The following IQGAP1 variants were observed in gnomAD, a reference collection of about 807,000 sequenced individuals.
The protein encoded by IQGAP1 is IQ motif containing GTPase activating protein 1, also known as ras GTPase-activating-like protein IQGAP1.
Under a neutral mutation model 215.6 loss-of-function variants are expected in IQGAP1, and 66 were observed. The ratio of observed to expected loss-of-function variants is 0.31; its 90% CI spans 0.25 to 0.38. The LOEUF (loss-of-function observed/expected upper bound fraction) is 0.38. Ranked by LOEUF, IQGAP1 falls within the 10% of genes least tolerant of loss-of-function variation. The pLI is 1.00. For missense variants in IQGAP1, 1,712 were observed against 1,997.1 expected (o/e 0.86, Z 2.72); for synonymous variants, 772 against 728.7 (o/e 1.06, Z -0.96).
intron 6 of IQGAP1, 91 bp downstream of exon 6, chr15:90,439,490 TA>T (rs1567126595): frequency 2.2e-6 from 2 of 928,952 alleles, no homozygotes; most frequent in Admixed American, 2.2e-5. Context: ...CCTAGGGCTT[TA>T]AAAATACACT....
chr15:90,439,166 A>ACC (rs1555437289), intron 5 of IQGAP1, among the ~76,000 whole-genome samples, 166 bp from the exon 6 acceptor site: 3 of 151,434 alleles, frequency 2.0e-5, no homozygotes, highest in African/African-American at 7.3e-5. Context: ...AAAAAAAAAA[A>ACC]CTGAGGTAAA....
rs748607996 is a variant in IQGAP1 at position 90,453,250 on chromosome 15, C to T, written c.1445C>T (p.Ser482Leu). The T allele has an allele frequency of 6.2e-7, 1 of 1,613,824 alleles. No homozygotes were observed. Among genetic ancestry groups the T allele is most frequent in the Non-Finnish European group, 8.5e-7 (1 of 1,179,806 alleles). ...VNTVWKQLSS[S>L]VTGLTNIEEE... ...ACAGTGTGGAAGCAATTGAGCAGTT[C>T]AGTTACTGGTCTTACCAATATTGAG... The change falls in exon 13 of 38, where the codon TCA becomes TTA. Residue 482 changes from serine to leucine, a missense_variant. By Grantham distance (145) the Ser-to-Leu change is moderately radical. This residue lies in a region of IQGAP1 where 1,021 missense variants were observed against 1,074.2 expected (regional missense o/e 0.95). Transcript: ENST00000268182.
Position 90,390,761 on chromosome 15 carries a change from T to G in IQGAP1, c.56-13T>G. On this transcript the variant is annotated splice_polypyrimidine_tract_variant and intron_variant, in intron 1 of 37. Transcript: ENST00000268182. ...CAGATCCTGGTGTTTACATTCTTTC[T>G]TTTATGTTGTAGCTGTCCTGGATAA... 6.4e-7 allele frequency: 1 copy of G among 1,568,406 alleles called. No individual in the cohort carries two copies. The highest frequency in any genetic ancestry group is 8.8e-7 in the Non-Finnish European group (1 of 1,138,648).
intron 5 of IQGAP1, among the ~76,000 whole-genome samples, chr15:90,438,610 G>C (rs892294014): frequency 6.6e-6 from 1 of 152,078 alleles, no homozygotes; most frequent in Non-Finnish European, 1.5e-5. Flanking sequence ...AGTAAGATTT[G>C]CCATCTGAAT....
At chr15:90,473,448 G>T in intron 19 of IQGAP1, 2 of 454,192 alleles carry the variant, frequency 4.4e-6, no homozygotes, top group Non-Finnish European at 4.0e-6. Flanking sequence ...CTGGTTTGTT[G>T]TAAGAAGCCA....
intron 2 of IQGAP1, among the ~76,000 whole-genome samples, chr15:90,420,974 G>A (rs182695068): frequency 3.3e-5 from 5 of 152,118 alleles, no homozygotes; most frequent in Middle Eastern, 3.4e-3. Flanking sequence ...CCAACATGGC[G>A]AAACCCCGTC....
chr15:90,403,710 G>A (rs1382641984), intron 2 of IQGAP1, among the ~76,000 whole-genome samples: 1 of 152,178 alleles, frequency 6.6e-6, no homozygotes, highest in Non-Finnish European at 1.5e-5. Context: ...GTCTTGCTCT[G>A]TTGCCCAGGC....
intron 5 of IQGAP1, among the ~76,000 whole-genome samples, chr15:90,437,858 A>G (rs1469895300): frequency 2.6e-5 from 4 of 152,308 alleles, no homozygotes; most frequent in African/African-American, 9.6e-5. Flanking sequence ...TTTTGAATAC[A>G]TTTAAAATCT....
At position 90,498,661 on chromosome 15, in the gene IQGAP1, A is replaced by AG. The variant is rs200684870; in HGVS notation, c.4861-1326dup. ...CTTGTGGGGTCCTTTCTTTTTTTGG[A>AG]GGGGGGGGCAGAGTCTCGCCCTGTC... On this transcript the variant is annotated intron_variant, in intron 37 of 37. Coordinates refer to ENST00000268182, the MANE Select transcript of IQGAP1 (RefSeq NM_003870.4). Among the ~76,000 whole-genome samples the AG allele has an allele frequency of 1.0e-3, 152 of 149,324 alleles. 1 individual carries two copies. Among genetic ancestry groups the AG allele is most frequent in the Middle Eastern group, 6.8e-3 (2 of 294 alleles).
At chr15:90,432,191 AT>A (rs1368814352) in intron 4 of IQGAP1, among the ~76,000 whole-genome samples, 3 of 152,136 alleles carry the variant, frequency 2.0e-5, no homozygotes, top group Admixed American at 6.6e-5. Flanking sequence ...CTAAAACTAA[AT>A]CTACCTTTTC....
intron 14 of IQGAP1, among the ~76,000 whole-genome samples, chr15:90,454,869 C>T (rs1965657727): frequency 6.6e-6 from 1 of 152,168 alleles, no homozygotes; most frequent in Non-Finnish European, 1.5e-5. Context: ...CATGGTCCTC[C>T]ACAAGACTCC....
intron 18 of IQGAP1, among the ~76,000 whole-genome samples, chr15:90,469,789 G>A (rs1198428678): frequency 2.6e-5 from 4 of 152,140 alleles, no homozygotes; most frequent in African/African-American, 9.7e-5. Flanking sequence ...TTAAGGATGA[G>A]CTTGCTGAAA....
chr15:90,399,270 A>G (rs1314709023), intron 2 of IQGAP1, among the ~76,000 whole-genome samples: 2 of 151,820 alleles, frequency 1.3e-5, no homozygotes, highest in African/African-American at 2.4e-5. Context: ...TTAATTTACT[A>G]TTTTCAGTGG....
intron 22 of IQGAP1, 42 bp from the exon 23 acceptor site, chr15:90,474,442 CT>C (rs1353224350): frequency 6.9e-7 from 1 of 1,447,094 alleles, no homozygotes; most frequent in African/African-American, 1.4e-5. Flanking sequence ...AGACGTAGTA[CT>C]TTTTCTGCTA....
chr15:90,491,787 G>A (rs1966208835), intron 34 of IQGAP1: 3 of 449,052 alleles, frequency 6.7e-6, no homozygotes, highest in Non-Finnish European at 8.0e-6. Context: ...TAAAGAATTT[G>A]TCTTCAGCCT....
Position 90,499,347 on chromosome 15 carries a change from C to T in IQGAP1, c.4861-648C>T, listed in dbSNP as rs372470639. Among the ~76,000 whole-genome samples the T allele has an allele frequency of 2.2e-4, 33 of 152,268 alleles. No homozygotes were observed. In the East Asian group the frequency reaches 4.6e-3, roughly 21 times the overall value. ...AGCTCATCTTTAAAGTTAGAATAAT[C>T]GCACCTCATAAAAATTTTTGTGAGG... On this transcript the variant is annotated intron_variant, in intron 37 of 37. Coordinates refer to ENST00000268182, the MANE Select transcript of IQGAP1 (RefSeq NM_003870.4).
rs556861792 is a variant in IQGAP1, at chr15:90,487,433, G to A, written c.4161-62G>A. 6.3e-5 allele frequency: 75 copies of A among 1,195,652 alleles called. No individual in the cohort carries two copies. The Middle Eastern group carries it at 9.5e-4, about 15-fold the overall frequency. The allele number at this position is 1,195,652 out of a possible 1,614,324, so 74.1% of individuals were successfully genotyped here. A position where few individuals can be genotyped will look rare whatever the true frequency, so the allele number is the denominator to read the frequency against. On this transcript the variant is annotated intron_variant, in intron 32 of 37. Coordinates refer to ENST00000268182, the MANE Select transcript of IQGAP1 (RefSeq NM_003870.4). ...GTGCTGCTGCTGCTGCTGCTGCTTC[G>A]GTCCACTTGAGAGGAACTAGAACAC...
intron 22 of IQGAP1, 57 bp from the exon 23 acceptor site, chr15:90,474,428 C>T (rs1477940065): frequency 1.5e-6 from 2 of 1,304,134 alleles, no homozygotes; most frequent in African/African-American, 2.9e-5. Flanking sequence ...AATGCTATTT[C>T]CTGAGACGTA....
intron 26 of IQGAP1, among the ~76,000 whole-genome samples, chr15:90,480,146 C>G (rs1261265896): frequency 6.7e-6 from 1 of 149,936 alleles, no homozygotes; most frequent in South Asian, 2.1e-4. Flanking sequence ...CCCAGTTGCT[C>G]AGGAGGCCAA....
Sources: allele counts gnomAD v4.1 joint callset (sites outside exome capture counted in the v4.1 genomes callset), GRCh38; gene constraint gnomAD v4.1.1; regional missense constraint gnomAD v4.1.1; transcripts MANE v1.5; gene names NCBI Gene and HGNC (gene_info 2026-07-23, HGNC 2026-07-21).